GNAL: variants seen among roughly 807,000 people sequenced by gnomAD.
The protein encoded by GNAL is guanine nucleotide-binding protein G(olf) subunit alpha.
In GNAL, 18 loss-of-function variants were observed where a neutral mutation model predicts 55.1. The ratio of observed to expected loss-of-function variants is 0.33; its 90% confidence interval spans 0.23 to 0.48. The LOEUF (loss-of-function observed/expected upper bound fraction) is 0.48, where lower values mean the gene tolerates loss of function less well. Among genes scored for constraint, GNAL ranks in the 20% least tolerant of loss-of-function variants. The pLI is 0.99. For missense variants in GNAL, 412 were observed against 614.1 expected (o/e 0.67, Z 3.48); for synonymous variants, 253 against 237.0 (o/e 1.07, Z -0.62).
intron 5 of GNAL, among the ~76,000 whole-genome samples, chr18:11,856,002 C>T (rs922626939): frequency 6.6e-6 from 1 of 151,034 alleles, no homozygotes; most frequent in Admixed American, 6.6e-5. Context: ...AAATAAGCAC[C>T]AGTCTGATAA....
At chr18:11,862,637 C>G (rs545766821) in intron 6 of GNAL, among the ~76,000 whole-genome samples, 188 bp downstream of exon 6, 236 of 152,340 alleles carry the variant, frequency 1.5e-3, no homozygotes, top group Middle Eastern at 6.8e-3. Flanking sequence ...TCCCCTGACT[C>G]TAGCACTTAG....
intron 1 of GNAL, among the ~76,000 whole-genome samples, chr18:11,715,474 A>G (rs1003180001): frequency 9.9e-5 from 15 of 151,700 alleles, no homozygotes; most frequent in African/African-American, 2.2e-4. Context: ...AAAAAAAAAA[A>G]AAAAGAAAAG....
intron 5 of GNAL, among the ~76,000 whole-genome samples, chr18:11,848,461 C>CTTTTT (rs71172024): frequency 7.0e-6 from 1 of 142,848 alleles, no homozygotes. Flanking sequence ...TTTTTCTTTT[C>CTTTTT]TTTTTTTTTT....
At chr18:11,870,726 T>C (rs566533451) in intron 9 of GNAL, among the ~76,000 whole-genome samples, 2 of 152,186 alleles carry the variant, frequency 1.3e-5, no homozygotes, top group East Asian at 1.9e-4. Flanking sequence ...TACATACATA[T>C]ATAGTTAGAA....
intron 1 of GNAL, among the ~76,000 whole-genome samples, chr18:11,728,913 C>G (rs2032274062): frequency 6.6e-6 from 1 of 152,114 alleles, no homozygotes; most frequent in Non-Finnish European, 1.5e-5. Context: ...AGGCTGACTC[C>G]TCTTGGGAGA....
chr18:11,750,198 C>T lies in GNAL; in HGVS notation c.377-2655C>T, dbSNP rs545034032. 4.1e-4 allele frequency among the ~76,000 whole-genome samples: 62 copies of T among 152,244 alleles called. 2 individuals carry two copies. Among genetic ancestry groups the T allele is most frequent in the Admixed American group, 3.5e-3 (53 of 15,296 alleles). On this transcript the variant is annotated intron_variant, in intron 1 of 11. Coordinates refer to ENST00000334049, the MANE Select transcript of GNAL (RefSeq NM_182978.4). ...AAATGGAATCTGGCATAACTCCCAC[C>T]GTTCTGGTTTGGAAAATTAGGGGCC...
chr18:11,851,287 G>A (rs904082173), intron 5 of GNAL: 2 of 507,212 alleles, frequency 3.9e-6, no homozygotes, highest in Non-Finnish European at 3.4e-6. Flanking sequence ...CCCTGCATGC[G>A]CAGCCCCTGG....
chr18:11,833,194 G>A (rs2035425269), intron 5 of GNAL, among the ~76,000 whole-genome samples: 1 of 151,860 alleles, frequency 6.6e-6, no homozygotes, highest in Admixed American at 6.6e-5. Flanking sequence ...ACCACTCCTG[G>A]CTAATTTTTG....
In GNAL at chr18:11,884,146, C is replaced by T. The variant is rs111911290; in HGVS notation, c.*3011C>T. 12 of 283,786 alleles carry T rather than the reference C, an allele frequency of 4.2e-5. 1 individual carries two copies. The highest frequency in any genetic ancestry group is 6.5e-5 in the African/African-American group (3 of 46,316). The allele number at this position is 283,786 out of a possible 1,614,324, so 17.6% of individuals were successfully genotyped here. On this transcript the variant is annotated 3_prime_UTR_variant, in exon 12 of 12. Transcript: ENST00000334049. ...CCCTTCCTGGGGGAACAAGGACTGT[C>T]GTGCATGTGAGTGACGACATTAATA... is the stretch of plus-strand genomic sequence containing the variant.
chr18:11,696,103 TGC>T (rs1843295102), intron 1 of GNAL, among the ~76,000 whole-genome samples: 1 of 152,234 alleles, frequency 6.6e-6, no homozygotes, highest in Admixed American at 6.5e-5. Flanking sequence ...CTTATTAACT[TGC>T]TGTCTTCGTT....
chr18:11,885,399 A>T lies in GNAL; in HGVS notation c.*4264A>T, dbSNP rs1028785833. On this transcript the variant is annotated 3_prime_UTR_variant, in exon 12 of 12. Coordinates refer to ENST00000334049, the MANE Select transcript of GNAL (RefSeq NM_182978.4). Reference sequence around the variant, plus strand: ...TCTTTAGAAAATTAAACACACACAGAGTGTAAGAGGAGAGGATACGGCCCT... The same window carrying T: ...TCTTTAGAAAATTAAACACACACAGTGTGTAAGAGGAGAGGATACGGCCCT... 1 of 436,868 alleles carries T rather than the reference A, an allele frequency of 2.3e-6. No individual in the cohort carries two copies. The allele number at this position is 436,868 out of a possible 1,614,324, so 27.1% of individuals were successfully genotyped here.
At chr18:11,802,154 C>T (rs76558262) in intron 4 of GNAL, among the ~76,000 whole-genome samples, 3 of 151,968 alleles carry the variant, frequency 2.0e-5, no homozygotes, top group Non-Finnish European at 4.4e-5. Context: ...TAGCAAAAAG[C>T]GATAAAATAA....
chr18:11,851,386 G>T, intron 5 of GNAL: 2 of 1,246,482 alleles, frequency 1.6e-6, no homozygotes, highest in Non-Finnish European at 2.1e-6. Context: ...CACCTGCGCC[G>T]CTCACAGTAG....
intron 1 of GNAL, among the ~76,000 whole-genome samples, chr18:11,722,135 C>G (rs1199798815): frequency 6.6e-6 from 1 of 152,136 alleles, no homozygotes; most frequent in Non-Finnish European, 1.5e-5. Flanking sequence ...CCAACATTCT[C>G]AACTCTCCAA....
intron 4 of GNAL, among the ~76,000 whole-genome samples, chr18:11,821,304 A>G (rs751287963): frequency 4.6e-5 from 7 of 152,232 alleles, no homozygotes; most frequent in African/African-American, 2.4e-5. Flanking sequence ...ATGATTTAAT[A>G]TATACATAAT....
intron 1 of GNAL, among the ~76,000 whole-genome samples, chr18:11,694,195 G>T (rs1304579508): frequency 6.6e-6 from 1 of 152,088 alleles, no homozygotes; most frequent in African/African-American, 2.4e-5. Flanking sequence ...GGTTAGTCCC[G>T]TCTCCCATCA....
chr18:11,732,832 G>C (rs1027932335), intron 1 of GNAL, among the ~76,000 whole-genome samples: 3 of 152,204 alleles, frequency 2.0e-5, no homozygotes. Flanking sequence ...GAGAAGCACA[G>C]TAAGTTAGCT....
intron 1 of GNAL, among the ~76,000 whole-genome samples, chr18:11,699,132 C>T (rs2031494945): frequency 6.6e-6 from 1 of 152,114 alleles, no homozygotes; most frequent in South Asian, 2.1e-4. Flanking sequence ...GATTATTTCT[C>T]ACCTGACAGC....
intron 1 of GNAL, among the ~76,000 whole-genome samples, chr18:11,742,093 A>G (rs563681437): frequency 7.6e-4 from 115 of 152,172 alleles, no homozygotes; most frequent in African/African-American, 2.8e-3. Flanking sequence ...CATTTTGCTT[A>G]CCCATTCGCC....
Sources: gnomAD v4.1 joint callset for allele counts (sites outside exome capture counted in the v4.1 genomes callset) on GRCh38, gnomAD v4.1.1 for gene constraint, MANE v1.5 for transcripts, NCBI Gene and HGNC (gene_info 2026-07-23, HGNC 2026-07-21) for gene names.